Variants in ERC2 observed in about 807,000 individuals in gnomAD.
The protein encoded by ERC2 is ERC protein 2.
A neutral mutation model predicts 114.8 loss-of-function variants in ERC2; 42 were observed. The observed-to-expected ratio is 0.37, with a 90% confidence interval of 0.29 to 0.47. The LOEUF (loss-of-function observed/expected upper bound fraction) is 0.47, where lower values mean the gene tolerates loss of function less well. Among genes scored for constraint, ERC2 ranks in the 20% least tolerant of loss-of-function variants. ERC2 has a pLI of 0.99. For missense variants in ERC2, 939 were observed against 1,150.7 expected, an observed-to-expected ratio of 0.82 and a Z score of 2.66; for synonymous variants, 454 against 425.5, an observed-to-expected ratio of 1.07 and a Z score of -0.82.
In ERC2 at chr3:55,906,364, G is replaced by A. The variant is rs1325556607; in HGVS notation, c.2404-17815C>T. 2.7e-5 allele frequency among the ~76,000 whole-genome samples: 4 copies of A among 150,192 alleles called. No homozygotes were observed. The East Asian group carries it at 5.9e-4, about 22-fold the overall frequency. ...GGAGAATGGCGTGAACCCGGGAGGC[G>A]GAGCTTGCAGTGAGCCGAGATCGCG... On this transcript the variant is annotated intron_variant, in intron 13 of 17. Coordinates refer to ENST00000288221, the MANE Select transcript of ERC2 (RefSeq NM_015576.3).
At chr3:55,704,267 C>A (rs1298818675) in intron 15 of ERC2, among the ~76,000 whole-genome samples, 1 of 152,130 alleles carries the variant, frequency 6.6e-6, no homozygotes, top group Non-Finnish European at 1.5e-5. Context: ...GTGATAAACA[C>A]ATTGAATTAA....
chr3:56,363,753 A>C (rs1384799914), intron 2 of ERC2, among the ~76,000 whole-genome samples: 2 of 151,728 alleles, frequency 1.3e-5, no homozygotes, highest in Non-Finnish European at 2.9e-5. Context: ...TGCTCTTTCC[A>C]AAACAAAAAT....
At chr3:56,409,756 C>T (rs1165817617) in intron 2 of ERC2, among the ~76,000 whole-genome samples, 4 of 152,184 alleles carry the variant, frequency 2.6e-5, no homozygotes, top group African/African-American at 9.7e-5. Context: ...AACTCCCTGA[C>T]CCCCAGCTAT....
At chr3:55,991,351 A>C (rs2071043628) in intron 11 of ERC2, among the ~76,000 whole-genome samples, 1 of 152,222 alleles carries the variant, frequency 6.6e-6, no homozygotes, top group Non-Finnish European at 1.5e-5. Flanking sequence ...TTTTTCAGAA[A>C]GTTTTTTCCT....
intron 14 of ERC2, among the ~76,000 whole-genome samples, chr3:55,819,243 G>A (rs2060023102): frequency 6.6e-6 from 1 of 152,190 alleles, no homozygotes; most frequent in South Asian, 2.1e-4. Context: ...TCACCGCTTT[G>A]AGTGAAAGAT....
chr3:55,666,000 T>A (rs949035954), intron 17 of ERC2, among the ~76,000 whole-genome samples: 2 of 152,164 alleles, frequency 1.3e-5, no homozygotes, highest in Non-Finnish European at 2.9e-5. Context: ...CATCACAGCC[T>A]CAGGTGGGGT....
intron 2 of ERC2, among the ~76,000 whole-genome samples, chr3:56,388,425 T>C (rs2060011949): frequency 6.6e-6 from 1 of 152,174 alleles, no homozygotes; most frequent in African/African-American, 2.4e-5. Flanking sequence ...GGTTGCAAGC[T>C]TCCTGAGGCC....
intron 14 of ERC2, among the ~76,000 whole-genome samples, chr3:55,881,636 A>G (rs17056093): frequency 0.072 from 11,003 of 152,172 alleles, 499 homozygotes; most frequent in South Asian, 0.16. Flanking sequence ...ACTGTATCTC[A>G]TGGCCCTCAA....
chr3:56,239,835 C>T (rs992572225), intron 3 of ERC2, among the ~76,000 whole-genome samples: 11 of 152,190 alleles, frequency 7.2e-5, no homozygotes, highest in Admixed American at 6.5e-4. Flanking sequence ...TGAAATGTAT[C>T]TCTGGCTTCC....
At chr3:56,359,490 T>C (rs1299422926) in intron 2 of ERC2, among the ~76,000 whole-genome samples, 1 of 152,284 alleles carries the variant, frequency 6.6e-6, no homozygotes, top group African/African-American at 2.4e-5. Flanking sequence ...TCAATGTTGT[T>C]GTCTCTAATT....
At chr3:56,457,972 C>G (rs1234286440) in intron 1 of ERC2, among the ~76,000 whole-genome samples, 1 of 152,272 alleles carries the variant, frequency 6.6e-6, no homozygotes, top group African/African-American at 2.4e-5. Flanking sequence ...GTTTGGTGCT[C>G]CACTGGATAC....
At position 55,515,204 on chromosome 3, in the gene ERC2, C is replaced by G. The variant is rs186634231; in HGVS notation, c.*40-3928G>C. Among the ~76,000 whole-genome samples, 251 of 152,284 alleles carry G rather than the reference C, an allele frequency of 1.6e-3. 1 individual carries two copies. The highest frequency in any genetic ancestry group is 5.7e-3 in the African/African-American group (236 of 41,544). ...TTTGATAGGAAAAGATGTCCGTCCA[C>G]AACTTTTCAGTGGAAAAAGCAGATT... is the stretch of plus-strand genomic sequence containing the variant. On this transcript the variant is annotated intron_variant, in intron 17 of 17. Coordinates refer to ENST00000288221, the MANE Select transcript of ERC2 (RefSeq NM_015576.3).
At chr3:56,194,603 T>C (rs1274248029) in intron 3 of ERC2, among the ~76,000 whole-genome samples, 1 of 152,214 alleles carries the variant, frequency 6.6e-6, no homozygotes, top group African/African-American at 2.4e-5. Context: ...GAGGACATTA[T>C]TGTACACTAC....
intron 15 of ERC2, among the ~76,000 whole-genome samples, chr3:55,714,905 T>C (rs2064022503): frequency 6.6e-6 from 1 of 151,516 alleles, no homozygotes; most frequent in Non-Finnish European, 1.5e-5. Flanking sequence ...ATAAATTACA[T>C]CTCATATTAG....
Position 56,186,692 on chromosome 3 carries a change from C to T in ERC2, c.1075-13172G>A, listed in dbSNP as rs565724575. On this transcript the variant is annotated intron_variant, in intron 3 of 17. Coordinates refer to ENST00000288221, the MANE Select transcript of ERC2 (RefSeq NM_015576.3). ...TAGCTGGGATTACAGGTGCCTGCCA[C>T]CATGCCTGGCTAATTTTTGTATTTT... is the stretch of plus-strand genomic sequence containing the variant. 8.5e-5 allele frequency among the ~76,000 whole-genome samples: 13 copies of T among 152,224 alleles called. No homozygotes were observed. The South Asian group carries it at 2.3e-3, about 27-fold the overall frequency.
At chr3:55,799,435 CCTTATATATATATGCAT>C (rs2070825097) in intron 14 of ERC2, among the ~76,000 whole-genome samples, 3 of 71,316 alleles carry the variant, frequency 4.2e-5, no homozygotes, top group African/African-American at 8.2e-5. Context: ...TATATATATG[CCTTATATATATATGCAT>C]ATATATATAT....
At chr3:56,042,063 C>T (rs1467470709) in intron 7 of ERC2, among the ~76,000 whole-genome samples, 1 of 152,136 alleles carries the variant, frequency 6.6e-6, no homozygotes, top group South Asian at 2.1e-4. Flanking sequence ...ACTCAAGAAG[C>T]CCCAGCTCCT....
intron 15 of ERC2, among the ~76,000 whole-genome samples, chr3:55,714,005 A>T (rs560527390): frequency 1.3e-5 from 2 of 152,322 alleles, no homozygotes; most frequent in East Asian, 3.9e-4. Flanking sequence ...AATAAATCTT[A>T]GTGATTGCTG....
chr3:55,872,682 T>G (rs1356754398), intron 14 of ERC2, among the ~76,000 whole-genome samples: 2 of 152,168 alleles, frequency 1.3e-5, no homozygotes, highest in Non-Finnish European at 2.9e-5. Context: ...GATGGCCAAG[T>G]GTCCAGGATA....
Sources: gnomAD v4.1 joint callset for allele counts (sites outside exome capture counted in the v4.1 genomes callset) on GRCh38, gnomAD v4.1.1 for gene constraint, MANE v1.5 for transcripts, NCBI Gene and HGNC (gene_info 2026-07-23, HGNC 2026-07-21) for gene names.